Variants in CRY1 observed in about 807,000 individuals in gnomAD.
CRY1 encodes the protein cryptochrome circadian regulator 1.
Under a neutral mutation model 76.0 loss-of-function variants are expected in CRY1, and 45 were observed. The ratio of observed to expected loss-of-function variants is 0.59; its 90% confidence interval spans 0.47 to 0.76. CRY1 has a LOEUF of 0.76. CRY1 is among the 30% of genes least tolerant of loss of function. The pLI is 0.00. For missense variants in CRY1, 587 were observed against 716.4 expected (o/e 0.82, Z 2.06); for synonymous variants, 248 against 244.0 (o/e 1.02, Z -0.15).
At chr12:107,041,138 T>C (rs1226144181) in intron 1 of CRY1, among the ~76,000 whole-genome samples, 3 of 151,994 alleles carry the variant, frequency 2.0e-5, no homozygotes, top group East Asian at 1.9e-4. Context: ...TTAGATAACA[T>C]GTAGAACCGC....
intron 2 of CRY1, among the ~76,000 whole-genome samples, chr12:107,011,685 T>C (rs977099149): frequency 6.6e-6 from 1 of 151,992 alleles, no homozygotes; most frequent in African/African-American, 2.4e-5. Context: ...CTAGCAGAGG[T>C]TGGTTCATAA....
chr12:107,018,598 A>G (rs975684803), intron 2 of CRY1, among the ~76,000 whole-genome samples: 2 of 152,176 alleles, frequency 1.3e-5, no homozygotes, highest in Non-Finnish European at 2.9e-5. Flanking sequence ...AAAAATAAAA[A>G]TAAAAATAGA....
At chr12:107,044,735 G>A (rs969535317) in intron 1 of CRY1, among the ~76,000 whole-genome samples, 15 of 152,092 alleles carry the variant, frequency 9.9e-5, no homozygotes, top group African/African-American at 3.6e-4. Flanking sequence ...GAAATTTAAA[G>A]AAATACATTA....
chr12:107,001,598 A>C (rs917925506), intron 4 of CRY1, among the ~76,000 whole-genome samples, 166 bp downstream of exon 4: 2 of 152,228 alleles, frequency 1.3e-5, no homozygotes, highest in Non-Finnish European at 2.9e-5. Flanking sequence ...CACATAAATG[A>C]TGAACAAACA....
intron 1 of CRY1, among the ~76,000 whole-genome samples, chr12:107,057,588 G>A (rs1435791911): frequency 6.6e-6 from 1 of 152,128 alleles, no homozygotes; most frequent in Non-Finnish European, 1.5e-5. Context: ...CAGCTTAGCT[G>A]GGCGTGGTGG....
rs769448777 is a variant in CRY1 at position 107,054,257 on chromosome 12, TAATA to T, written c.159-32069_159-32066del. 3.9e-5 allele frequency among the ~76,000 whole-genome samples: 6 copies of T among 152,232 alleles called. No individual in the cohort carries two copies. In the East Asian group the frequency reaches 9.6e-4, roughly 24 times the overall value. ...TGCGTTTCAAGGGCCTTGAATTATC[TAATA>T]AATAGACAAAATTATTGATTAACTT... is the stretch of plus-strand genomic sequence containing the variant. On this transcript the variant is annotated intron_variant, in intron 1 of 12. Coordinates refer to ENST00000008527, the MANE Select transcript of CRY1 (RefSeq NM_004075.5).
intron 1 of CRY1, among the ~76,000 whole-genome samples, chr12:107,074,427 T>C (rs1953225544): frequency 6.6e-6 from 1 of 152,216 alleles, no homozygotes; most frequent in South Asian, 2.1e-4. Flanking sequence ...GTTGTTGCTG[T>C]TGCTATTGAG....
At chr12:107,028,340 T>C (rs1433416020) in intron 1 of CRY1, among the ~76,000 whole-genome samples, 3 of 152,150 alleles carry the variant, frequency 2.0e-5, no homozygotes, top group Admixed American at 1.3e-4. Flanking sequence ...TTTACCTAAA[T>C]TGTCTGGATA....
At chr12:107,053,777 A>T (rs952153149) in intron 1 of CRY1, among the ~76,000 whole-genome samples, 1 of 152,242 alleles carries the variant, frequency 6.6e-6, no homozygotes, top group Non-Finnish European at 1.5e-5. Context: ...TCAGACGGAG[A>T]TTCATCATCG....
chr12:107,020,259 A>G (rs1421909384), intron 2 of CRY1, among the ~76,000 whole-genome samples: 2 of 152,172 alleles, frequency 1.3e-5, no homozygotes, highest in Non-Finnish European at 2.9e-5. Flanking sequence ...CATTCACATA[A>G]AGAGCTGTTC....
chr12:107,018,758 A>T (rs1443618757), intron 2 of CRY1, among the ~76,000 whole-genome samples: 1 of 152,196 alleles, frequency 6.6e-6, no homozygotes, highest in East Asian at 1.9e-4. Context: ...GCCTATATTA[A>T]GTCAGAGTTT....
intron 10 of CRY1, among the ~76,000 whole-genome samples, chr12:106,996,623 A>G (rs1283888816): frequency 6.6e-6 from 1 of 152,096 alleles, no homozygotes; most frequent in Non-Finnish European, 1.5e-5. Context: ...CTGCATCCTC[A>G]CCAGCATCTG....
At chr12:107,069,598 TAAAGTATATATATAA>T (rs1424667153) in intron 1 of CRY1, among the ~76,000 whole-genome samples, 475 of 40,858 alleles carry the variant, frequency 0.012, no homozygotes, top group Non-Finnish European at 0.018. Flanking sequence ...TATATATATA[TAAAGTATATATATAA>T]AAAGTATATA....
At chr12:107,050,736 A>G (rs1016150878) in intron 1 of CRY1, among the ~76,000 whole-genome samples, 5 of 152,246 alleles carry the variant, frequency 3.3e-5, no homozygotes, top group African/African-American at 7.2e-5. Context: ...AGGCTGACAG[A>G]AAGGACAGAC....
At chr12:107,013,065 T>C (rs1217103261) in intron 2 of CRY1, among the ~76,000 whole-genome samples, 1 of 152,240 alleles carries the variant, frequency 6.6e-6, no homozygotes, top group Non-Finnish European at 1.5e-5. Flanking sequence ...ATTTAGGTTA[T>C]AACACAAATT....
chr12:107,058,966 C>T (rs1953017244), intron 1 of CRY1, among the ~76,000 whole-genome samples: 1 of 152,132 alleles, frequency 6.6e-6, no homozygotes, highest in Non-Finnish European at 1.5e-5. Context: ...CAGATATGGC[C>T]TAGGGCAAGT....
chr12:107,013,323 A>G lies in CRY1; in HGVS notation c.268-8075T>C, dbSNP rs374739778. On this transcript the variant is annotated intron_variant, in intron 2 of 12. Transcript: ENST00000008527. Reference sequence around the variant, plus strand: ...AGGCAAGAACCTCCACCAGCAAAAAAGATTATGACTTGCTGAAGGCTTAGA... The same window carrying G: ...AGGCAAGAACCTCCACCAGCAAAAAGGATTATGACTTGCTGAAGGCTTAGA... Among the ~76,000 whole-genome samples the G allele has an allele frequency of 6.0e-4, 91 of 152,362 alleles. No homozygotes were observed. The East Asian group carries it at 0.014, about 23-fold the overall frequency.
rs10746075 is a variant in CRY1 at position 107,030,205 on chromosome 12, A to C, written c.159-8013T>G. Among the ~76,000 whole-genome samples, 24 of 152,124 alleles carry C rather than the reference A, an allele frequency of 1.6e-4. No homozygotes were observed. The South Asian group carries it at 4.1e-3, about 26-fold the overall frequency. ...TTCAACAGTCAATGAAGAAGGAACAAGAATGGGAAAGAATATTCTCTGAAT... is the reference window on the plus strand; with the variant it reads ...TTCAACAGTCAATGAAGAAGGAACACGAATGGGAAAGAATATTCTCTGAAT... On this transcript the variant is annotated intron_variant, in intron 1 of 12. Coordinates refer to ENST00000008527, the MANE Select transcript of CRY1 (RefSeq NM_004075.5).
At chr12:107,062,973 C>A (rs889482769) in intron 1 of CRY1, among the ~76,000 whole-genome samples, 1 of 152,144 alleles carries the variant, frequency 6.6e-6, no homozygotes, top group Non-Finnish European at 1.5e-5. Flanking sequence ...TACTAGGATA[C>A]TGTGTATATA....
Sources: allele counts gnomAD v4.1 joint callset (sites outside exome capture counted in the v4.1 genomes callset), GRCh38; gene constraint gnomAD v4.1.1; transcripts MANE v1.5; gene names NCBI Gene and HGNC (gene_info 2026-07-23, HGNC 2026-07-21).